Variants in EYS observed in about 807,000 individuals in gnomAD.
The protein encoded by EYS is EGF-like photoreceptor maintenance factor, also known as protein eyes shut homolog.
EYS carries 250 observed loss-of-function variants against 282.1 expected under a neutral mutation model. The observed-to-expected ratio is 0.89, with a 90% CI of 0.80 to 0.98. The LOEUF (loss-of-function observed/expected upper bound fraction) is 0.98. Ranked by LOEUF, EYS falls within the 50% of genes least tolerant of loss-of-function variation. The pLI is 0.00. For missense variants in EYS, 4,016 were observed against 3,709.0 expected (o/e 1.08, Z -2.15); for synonymous variants, 1,355 against 1,282.9 (o/e 1.06, Z -1.20).
At chr6:65,546,429 T>G (rs929932097) in intron 2 of EYS, among the ~76,000 whole-genome samples, 1 of 152,176 alleles carries the variant, frequency 6.6e-6, no homozygotes, top group South Asian at 2.1e-4. Context: ...AATAAACATA[T>G]GTCATTCATT....
intron 29 of EYS, among the ~76,000 whole-genome samples, chr6:64,312,665 C>G (rs545917259): frequency 6.6e-6 from 1 of 152,264 alleles, no homozygotes; most frequent in African/African-American, 2.4e-5. Context: ...CCCTCTGGGA[C>G]GAAGCTTCCA....
intron 15 of EYS, among the ~76,000 whole-genome samples, chr6:64,925,903 T>A (rs1013376248): frequency 6.6e-6 from 1 of 152,054 alleles, no homozygotes; most frequent in Non-Finnish European, 1.5e-5. Context: ...CGGAGTCAGT[T>A]CTCGGGTCCC....
At chr6:65,701,150 T>A (rs1183611609) in intron 1 of EYS, among the ~76,000 whole-genome samples, 1 of 152,186 alleles carries the variant, frequency 6.6e-6, no homozygotes, top group South Asian at 2.1e-4. Flanking sequence ...TAAATATATT[T>A]CTTCCTCAAA....
At chr6:64,454,750 T>C (rs984726249) in intron 26 of EYS, among the ~76,000 whole-genome samples, 9 of 152,186 alleles carry the variant, frequency 5.9e-5, no homozygotes, top group African/African-American at 2.2e-4. Flanking sequence ...TATTGGTGTG[T>C]GTGGGAATTT....
At chr6:65,060,130 A>G (rs1464678584) in intron 12 of EYS, among the ~76,000 whole-genome samples, 1 of 151,850 alleles carries the variant, frequency 6.6e-6, no homozygotes, top group Non-Finnish European at 1.5e-5. Flanking sequence ...CCTCATCCGT[A>G]TTTCCCAAAC....
At chr6:64,546,406 A>G (rs1352758619) in intron 26 of EYS, among the ~76,000 whole-genome samples, 1 of 152,190 alleles carries the variant, frequency 6.6e-6, no homozygotes, top group Admixed American at 6.5e-5. Context: ...TAGACCTAAA[A>G]CCATAAAAAC....
chr6:65,384,292 G>C (rs1379969199), intron 8 of EYS, 94 bp downstream of exon 8: 5 of 734,604 alleles, frequency 6.8e-6, no homozygotes, highest in Non-Finnish European at 1.2e-5. Flanking sequence ...ATGTTTCTCT[G>C]GCTAAGATTA....
chr6:64,500,873 C>T (rs1191285291), intron 26 of EYS, among the ~76,000 whole-genome samples: 9 of 152,020 alleles, frequency 5.9e-5, no homozygotes, highest in Admixed American at 2.0e-4. Flanking sequence ...CAGTGTTTTT[C>T]CTGTTTTCAT....
chr6:65,305,723 A>C (rs1488871499), intron 11 of EYS, among the ~76,000 whole-genome samples: 1 of 152,270 alleles, frequency 6.6e-6, no homozygotes, highest in Non-Finnish European at 1.5e-5. Flanking sequence ...TTTTAGTATG[A>C]AAATTGTCCC....
chr6:64,834,923 G>C (rs1661200326), intron 19 of EYS, among the ~76,000 whole-genome samples: 1 of 151,754 alleles, frequency 6.6e-6, no homozygotes, highest in Admixed American at 6.6e-5. Flanking sequence ...GTACTATTGA[G>C]AGACAGTCCA....
intron 34 of EYS, among the ~76,000 whole-genome samples, chr6:63,989,807 A>G (rs920294340): frequency 6.6e-6 from 1 of 151,498 alleles, no homozygotes; most frequent in Non-Finnish European, 1.5e-5. Context: ...AATAAATGTT[A>G]TATTATTATT....
chr6:64,829,399 T>C (rs897646956), intron 19 of EYS, among the ~76,000 whole-genome samples: 1 of 151,926 alleles, frequency 6.6e-6, no homozygotes, highest in Non-Finnish European at 1.5e-5. Flanking sequence ...AGATATCCAA[T>C]CTTCCAGGAA....
chr6:65,459,192 T>C (rs1337146823), intron 5 of EYS, among the ~76,000 whole-genome samples: 1 of 152,014 alleles, frequency 6.6e-6, no homozygotes, highest in Non-Finnish European at 1.5e-5. Flanking sequence ...CCTGCTGGTT[T>C]GAAAGGCCAG....
At chr6:65,646,531 A>C (rs747535493) in intron 1 of EYS, among the ~76,000 whole-genome samples, 61 of 152,198 alleles carry the variant, frequency 4.0e-4, no homozygotes, top group Non-Finnish European at 5.1e-4. Flanking sequence ...CCTTAAGGTA[A>C]TAAAAACCAT....
chr6:64,883,425 T>A (rs1371695401), intron 19 of EYS, among the ~76,000 whole-genome samples: 7 of 151,270 alleles, frequency 4.6e-5, no homozygotes, highest in African/African-American at 1.7e-4. Context: ...TTAAAAATAT[T>A]TATACTTTTC....
rs562311199 is a variant in EYS, at chr6:65,460,189, T to TTATA, written c.862+30404_862+30405insTATA. The stretch of plus-strand genomic sequence containing the variant: ...AAATTATCCAGAGAGACACCATGAG[T>TTATA]TATGGTATCTACTCTTTCCTCCCTA... On this transcript the variant is annotated intron_variant, in intron 5 of 42. Transcript: ENST00000503581. 5.5e-4 allele frequency among the ~76,000 whole-genome samples: 81 copies of TTATA among 148,428 alleles called. 1 individual carries two copies. Among genetic ancestry groups the TTATA allele is most frequent in the Non-Finnish European group, 1.0e-3 (67 of 66,804 alleles).
At chr6:64,418,679 G>C in intron 28 of EYS, among the ~76,000 whole-genome samples, 1 of 151,998 alleles carries the variant, frequency 6.6e-6, no homozygotes, top group Non-Finnish European at 1.5e-5. Flanking sequence ...TTGAGATGTA[G>C]AAAATAAAAT....
chr6:63,858,046 G>A (rs1007653055), intron 36 of EYS, among the ~76,000 whole-genome samples: 1 of 152,132 alleles, frequency 6.6e-6, no homozygotes, highest in Non-Finnish European at 1.5e-5. Context: ...GAGGGGACCA[G>A]GGTGCCTGGG....
intron 14 of EYS, among the ~76,000 whole-genome samples, chr6:64,958,488 C>CT (rs2150104145): frequency 6.6e-6 from 1 of 152,182 alleles, no homozygotes; most frequent in South Asian, 2.1e-4. Context: ...TGGCTCACGC[C>CT]TGTAATCCCA....
Sources: gnomAD v4.1 joint callset for allele counts (sites outside exome capture counted in the v4.1 genomes callset) on GRCh38, gnomAD v4.1.1 for gene constraint, MANE v1.5 for transcripts, NCBI Gene and HGNC (gene_info 2026-07-23, HGNC 2026-07-21) for gene names.